CSMD3: variants seen among roughly 807,000 people sequenced by gnomAD.
The protein encoded by CSMD3 is CUB and sushi domain-containing protein 3.
Under a neutral mutation model 435.2 loss-of-function variants are expected in CSMD3, and 177 were observed. The observed-to-expected ratio is 0.41, with a 90% confidence interval of 0.36 to 0.46. CSMD3 has a LOEUF of 0.46. Ranked by LOEUF, CSMD3 falls within the 20% of genes least tolerant of loss-of-function variation. The pLI is 0.34. For missense variants in CSMD3, 4,265 were observed against 4,504.6 expected (o/e 0.95, Z 1.52); for synonymous variants, 1,656 against 1,520.5 (o/e 1.09, Z -2.07).
At chr8:112,310,936 T>C (rs763634455) in intron 50 of CSMD3, 42 bp downstream of exon 50, 1 of 1,524,606 alleles carries the variant, frequency 6.6e-7, no homozygotes, top group East Asian at 2.3e-5. Flanking sequence ...GGTGCTAATC[T>C]CACATTCATG....
chr8:112,643,196 A>C (rs923353492), intron 20 of CSMD3, among the ~76,000 whole-genome samples: 2 of 152,126 alleles, frequency 1.3e-5, no homozygotes, highest in Admixed American at 6.6e-5. Context: ...CAGAGAGCAG[A>C]ACAGGGATAA....
intron 6 of CSMD3, among the ~76,000 whole-genome samples, chr8:113,016,416 G>A (rs1468731033): frequency 6.6e-6 from 1 of 151,748 alleles, no homozygotes; most frequent in East Asian, 1.9e-4. Flanking sequence ...GTGTGTCTAT[G>A]TACCTACTCC....
intron 10 of CSMD3, among the ~76,000 whole-genome samples, chr8:112,919,730 G>T (rs183116694): frequency 6.6e-6 from 1 of 151,720 alleles, no homozygotes; most frequent in East Asian, 1.9e-4. Context: ...CAAGAAATCA[G>T]CCTTGTGTAA....
rs541968266 is a variant in CSMD3 at position 112,336,053 on chromosome 8, C to T, written c.7020-579G>A. The stretch of plus-strand genomic sequence containing the variant: ...TCAGCCTCCTGAATAGCTGGGACCA[C>T]AGGCGCATGCCACCATGTCTGGCTA... On this transcript the variant is annotated intron_variant, in intron 44 of 70. Transcript: ENST00000297405. Among the ~76,000 whole-genome samples the T allele has an allele frequency of 1.1e-3, 164 of 152,148 alleles. 2 individuals carry two copies. Among genetic ancestry groups the T allele is most frequent in the Middle Eastern group, 6.8e-3 (2 of 294 alleles).
chr8:112,630,719 T>C (rs2074490209), intron 22 of CSMD3, among the ~76,000 whole-genome samples: 2 of 152,074 alleles, frequency 1.3e-5, no homozygotes, highest in Admixed American at 1.3e-4. Flanking sequence ...AATTTCTAGC[T>C]TGGATGATTG....
chr8:112,772,833 A>G (rs1212323177), intron 13 of CSMD3, among the ~76,000 whole-genome samples: 1 of 152,110 alleles, frequency 6.6e-6, no homozygotes, highest in African/African-American at 2.4e-5. Context: ...GCACATCAAA[A>G]GCACAGCACT....
rs570314693 is a variant in CSMD3, at chr8:113,104,159, G to T, written c.710-5196C>A. ...AATAGCTTAGTGTTGGGGGTGGGGT[G>T]CAGGAAATAGGCTTGTTTATCATCA... On this transcript the variant is annotated intron_variant, in intron 4 of 70. Transcript: ENST00000297405. 2.6e-5 allele frequency among the ~76,000 whole-genome samples: 4 copies of T among 152,206 alleles called. No homozygotes were observed. The South Asian group carries it at 8.3e-4, about 32-fold the overall frequency.
At chr8:113,020,093 G>T (rs2086631441) in intron 5 of CSMD3, among the ~76,000 whole-genome samples, 1 of 145,654 alleles carries the variant, frequency 6.9e-6, no homozygotes, top group Non-Finnish European at 1.5e-5. Flanking sequence ...AACCCGGGAA[G>T]CGGAGCTTGC....
chr8:112,562,495 C>T (rs780188109), intron 24 of CSMD3, among the ~76,000 whole-genome samples: 1 of 149,648 alleles, frequency 6.7e-6, no homozygotes, highest in Non-Finnish European at 1.5e-5. Flanking sequence ...TTCCAGATTG[C>T]TAAATAAAAA....
rs543006712 is a variant in CSMD3 at position 112,321,371 on chromosome 8, T to C, written c.7166-1390A>G. On this transcript the variant is annotated intron_variant, in intron 45 of 70. Coordinates refer to ENST00000297405, the MANE Select transcript of CSMD3 (RefSeq NM_198123.2). ...ATTGCAAAAAAGTATTATGGGAGTATTGAAAAGCATCAACTAGACCAGCTC... is the reference window on the plus strand; with the variant it reads ...ATTGCAAAAAAGTATTATGGGAGTACTGAAAAGCATCAACTAGACCAGCTC... Among the ~76,000 whole-genome samples the C allele has an allele frequency of 1.1e-4, 17 of 152,200 alleles. No individual in the cohort carries two copies. The South Asian group carries it at 3.3e-3, about 30-fold the overall frequency.
rs556916669 is a variant in CSMD3 at position 113,059,842 on chromosome 8, C to G, written c.917+38914G>C. 2.6e-5 allele frequency among the ~76,000 whole-genome samples: 4 copies of G among 152,176 alleles called. No homozygotes were observed. The East Asian group carries it at 7.8e-4, about 29-fold the overall frequency. On this transcript the variant is annotated intron_variant, in intron 5 of 70. Transcript: ENST00000297405. Reference sequence around the variant, plus strand: ...CAGCCCTGGGAATTTTCCGTTTAAACTGCAGGAGGAAAAATAAGCAGCCAG... The same window carrying G: ...CAGCCCTGGGAATTTTCCGTTTAAAGTGCAGGAGGAAAAATAAGCAGCCAG...
chr8:112,939,748 A>G (rs188409669), intron 9 of CSMD3, among the ~76,000 whole-genome samples: 1 of 152,162 alleles, frequency 6.6e-6, no homozygotes, highest in East Asian at 1.9e-4. Flanking sequence ...TTCTTGAAGA[A>G]AAAGTGAGTT....
At chr8:113,058,884 A>C (rs935374103) in intron 5 of CSMD3, among the ~76,000 whole-genome samples, 1 of 152,080 alleles carries the variant, frequency 6.6e-6, no homozygotes, top group African/African-American at 2.4e-5. Context: ...ACAATCAAAT[A>C]CAGTAAAAAG....
intron 4 of CSMD3, among the ~76,000 whole-genome samples, chr8:113,112,348 C>G (rs2090668179): frequency 7.2e-6 from 1 of 138,648 alleles, no homozygotes; most frequent in South Asian, 2.3e-4. Context: ...AACCAGACCT[C>G]TCAGAATGCA....
chr8:112,718,028 A>C (rs1013378472), intron 13 of CSMD3, among the ~76,000 whole-genome samples: 22 of 152,154 alleles, frequency 1.4e-4, no homozygotes, highest in African/African-American at 5.3e-4. Context: ...ACGTATACTT[A>C]AGTAATAAAC....
At chr8:113,355,658 T>C (rs1186389438) in intron 1 of CSMD3, among the ~76,000 whole-genome samples, 1 of 147,808 alleles carries the variant, frequency 6.8e-6, no homozygotes, top group Non-Finnish European at 1.5e-5. Flanking sequence ...ATTCAGTCCA[T>C]AGCACAAATA....
intron 35 of CSMD3, among the ~76,000 whole-genome samples, chr8:112,397,249 T>A (rs1830931635): frequency 6.6e-6 from 1 of 152,246 alleles, no homozygotes; most frequent in African/African-American, 2.4e-5. Context: ...CTTGTCTATC[T>A]TCTGAATGTC....
chr8:112,295,424 T>C (rs950730511), intron 54 of CSMD3, among the ~76,000 whole-genome samples: 1 of 152,130 alleles, frequency 6.6e-6, no homozygotes, highest in Non-Finnish European at 1.5e-5. Flanking sequence ...AATTGTTAGA[T>C]AATATTTATC....
At chr8:113,150,123 T>A (rs2091772622) in intron 4 of CSMD3, among the ~76,000 whole-genome samples, 1 of 151,940 alleles carries the variant, frequency 6.6e-6, no homozygotes, top group Non-Finnish European at 1.5e-5. Flanking sequence ...TCTTCCTCTT[T>A]AGCATACTCT....
Sources: gnomAD v4.1 joint callset for allele counts (sites outside exome capture counted in the v4.1 genomes callset) on GRCh38, gnomAD v4.1.1 for gene constraint, MANE v1.5 for transcripts, NCBI Gene and HGNC (gene_info 2026-07-23, HGNC 2026-07-21) for gene names.